The following SKOR1 variants were observed in gnomAD, a reference collection of about 807,000 sequenced individuals.
The protein encoded by SKOR1 is SKI family transcriptional corepressor 1.
Under a neutral mutation model 72.4 loss-of-function variants are expected in SKOR1, and 38 were observed. The observed-to-expected ratio is 0.52, with a 90% CI of 0.40 to 0.69. The LOEUF is 0.69. Among genes scored for constraint, SKOR1 ranks in the 30% least tolerant of loss-of-function variants. The probability of loss-of-function intolerance (pLI) is 0.00; values close to 1 mark genes in which losing one functional copy is unlikely to be tolerated. For synonymous variants in SKOR1, 642 were observed against 599.4 expected, an observed-to-expected ratio of 1.07 and a Z score of -1.04; for missense variants, 1,320 against 1,343.2, an observed-to-expected ratio of 0.98 and a Z score of 0.27.
chr15:67,828,023 C>T lies in SKOR1; in HGVS notation c.2195C>T (p.Ala732Val). The change falls in exon 2 of 9, where the codon GCA (alanine) becomes GTA (valine). Residue 732 changes from alanine (A) to valine (V), a missense_variant. By Grantham distance (64) the Ala-to-Val change is moderately conservative (BLOSUM62 0). Around this residue, in one of 3 missense-constraint regions of SKOR1, gnomAD observed 1,099 missense variants for 1,025.5 expected, o/e 1.07. Transcript: ENST00000380035. Reference sequence around the variant, plus strand: ...GGGCCACCCCCAGCTGGCCGGCCCGCATTTGGGGACTTGGCAGCCGAAGAC... The same window carrying T: ...GGGCCACCCCCAGCTGGCCGGCCCGTATTTGGGGACTTGGCAGCCGAAGAC... ...RLGPPPAGRPAFGDLAAEDLV... is the reference protein window; with the variant it reads ...RLGPPPAGRPVFGDLAAEDLV... The T allele has an allele frequency of 6.5e-6, 10 of 1,539,786 alleles. No homozygotes were observed. Among genetic ancestry groups the T allele is most frequent in the Non-Finnish European group, 7.9e-6 (9 of 1,144,870 alleles).
rs2091023704 is a variant in SKOR1, at chr15:67,833,365, T to C, written c.2803+108T>C. On this transcript the variant is annotated intron_variant, in intron 8 of 8. Coordinates refer to ENST00000380035, the MANE Select transcript of SKOR1 (RefSeq NM_001365915.1). The surrounding 1 kb of genome is among the most constrained non-coding windows in gnomAD (Gnocchi z 6.0). ...TGAGGAAGGCCACGATCCACGTGGA[T>C]CAGGATCTGTGAGGGAGAAAAGTGG... 3 of 1,148,784 alleles carry C rather than the reference T, an allele frequency of 2.6e-6. No individual in the cohort carries two copies. The East Asian group carries it at 7.3e-5, about 28-fold the overall frequency. 71.2% of individuals were successfully genotyped at this position (1,148,784 alleles called of 1,614,324 possible). A position where few individuals can be genotyped will look rare whatever the true frequency, so the allele number is the denominator to read the frequency against.
chr15:67,830,406 G>T (rs1052713783), intron 4 of SKOR1, 108 bp downstream of exon 4: 5 of 919,140 alleles, frequency 5.4e-6, no homozygotes, highest in African/African-American at 5.0e-5. Context: ...AAGTGTAAGC[G>T]GCTGCCAGTC....
rs751107745 is a variant in SKOR1 at position 67,826,831 on chromosome 15, G to A, written c.1003G>A (p.Gly335Arg). The A allele has an allele frequency of 3.0e-5, 46 of 1,522,888 alleles. No homozygotes were observed. The highest frequency in any genetic ancestry group is 3.9e-5 in the Non-Finnish European group (44 of 1,137,898). The allele number at this position is 1,522,888 out of a possible 1,614,324, so 94.3% of individuals were successfully genotyped here. ...SLRCGEDEAA[G>R]PPGPPPPHPQ... ...GCGCTGTGGCGAAGATGAGGCTGCC[G>A]GGCCTCCGGGGCCACCTCCACCCCA... Residue 335 changes from glycine (G) to arginine (R), a missense_variant, in exon 2 of 9, where the codon GGG becomes AGG. Around this residue, in one of 3 missense-constraint regions of SKOR1, gnomAD observed 1,099 missense variants for 1,025.5 expected, o/e 1.07. Coordinates refer to ENST00000380035, the MANE Select transcript of SKOR1 (RefSeq NM_001365915.1).
intron 2 of SKOR1, 21 bp downstream of exon 2, chr15:67,828,165 G>T (rs1290638241): frequency 2.1e-6 from 3 of 1,420,094 alleles, no homozygotes; most frequent in Non-Finnish European, 2.7e-6. Context: ...CGCCCGCCCC[G>T]CCAGTGGCGC....
At position 67,826,828 on chromosome 15, in the gene SKOR1, G is replaced by T; in HGVS notation, c.1000G>T (p.Ala334Ser). The T allele has an allele frequency of 6.6e-7, 1 of 1,525,366 alleles. No homozygotes were observed. The allele number at this position is 1,525,366 out of a possible 1,614,324, so 94.5% of individuals were successfully genotyped here. A position where few individuals can be genotyped will look rare whatever the true frequency, so the allele number is the denominator to read the frequency against. The change falls in exon 2 of 9, where the codon GCC becomes TCC. Residue 334 changes from alanine (A) to serine (S), a missense_variant. Around this residue, in one of 3 missense-constraint regions of SKOR1, gnomAD observed 1,099 missense variants for 1,025.5 expected, o/e 1.07. Coordinates refer to ENST00000380035, the MANE Select transcript of SKOR1 (RefSeq NM_001365915.1). ...CCTGCGCTGTGGCGAAGATGAGGCT[G>T]CCGGGCCTCCGGGGCCACCTCCACC... ...KSLRCGEDEA[A>S]GPPGPPPPHP...
chr15:67,828,012 T>A lies in SKOR1; in HGVS notation c.2184T>A (p.Ala728=), dbSNP rs2090978769. The A allele has an allele frequency of 1.3e-6, 2 of 1,539,546 alleles. No homozygotes were observed. Among genetic ancestry groups the A allele is most frequent in the African/African-American group, 2.8e-5 (2 of 72,320 alleles). The change falls in exon 2 of 9, where the codon GCT becomes GCA. Residue 728 remains alanine (A), a synonymous_variant. Coordinates refer to ENST00000380035, the MANE Select transcript of SKOR1 (RefSeq NM_001365915.1). ...GGCGCCGCCTCGGGCCACCCCCAGC[T>A]GGCCGGCCCGCATTTGGGGACTTGG... ...RPRRRLGPPP[A]GRPAFGDLAA...
rs766386886 is a variant in SKOR1, at chr15:67,832,241, C to T, written c.2588-33C>T. On this transcript the variant is annotated intron_variant, in intron 5 of 8. Transcript: ENST00000380035. The surrounding 1 kb of genome is among the most constrained non-coding windows in gnomAD (Gnocchi z 4.5). Reference sequence around the variant, plus strand: ...AGCTCCAAATAACCCTGCTTTACCTCCCACTTTACCTCCCACTTTTCCCCT... The same window carrying T: ...AGCTCCAAATAACCCTGCTTTACCTTCCACTTTACCTCCCACTTTTCCCCT... 2 of 1,606,342 alleles carry T rather than the reference C, an allele frequency of 1.2e-6. No individual in the cohort carries two copies. Among genetic ancestry groups the T allele is most frequent in the South Asian group, 2.2e-5 (2 of 90,886 alleles).
In SKOR1 at chr15:67,826,924, G is replaced by T; in HGVS notation, c.1096G>T (p.Gly366Cys). ...GGCGGGCCCAGGAGGGCCCGGTGGC[G>T]GCGCCGGCGTACGAAGCTACCCGGT... is the stretch of plus-strand genomic sequence containing the variant. Reference protein sequence around the residue: ...GPAGPGGPGGGAGVRSYPVIP... With the variant: ...GPAGPGGPGGCAGVRSYPVIP... Residue 366 changes from glycine to cysteine, a missense_variant, in exon 2 of 9, where the codon GGC becomes TGC. Physicochemically the swap from Gly to Cys is radical, Grantham distance 159 (BLOSUM62 -3). Around this residue, in one of 3 missense-constraint regions of SKOR1, gnomAD observed 1,099 missense variants for 1,025.5 expected, o/e 1.07. Coordinates refer to ENST00000380035, the MANE Select transcript of SKOR1 (RefSeq NM_001365915.1). 6.4e-7 allele frequency: 1 copy of T among 1,566,934 alleles called. No individual in the cohort carries two copies. The highest frequency in any genetic ancestry group is 8.6e-7 in the Non-Finnish European group (1 of 1,164,194).
intron 5 of SKOR1, among the ~76,000 whole-genome samples, chr15:67,831,903 C>CCGGGGGGGGGG (rs1476265010): frequency 1.4e-4 from 4 of 28,756 alleles, no homozygotes; most frequent in African/African-American, 1.1e-3. Flanking sequence ...GGCGGCGGTG[C>CCGGGGGGGGGG]GGGGGGGGGA....
Position 67,825,529 on chromosome 15 carries a change from C to A in SKOR1, c.-74C>A. On this transcript the variant is annotated 5_prime_UTR_variant, in exon 1 of 9. Coordinates refer to ENST00000380035, the MANE Select transcript of SKOR1 (RefSeq NM_001365915.1). The surrounding 1 kb of genome is among the most constrained non-coding windows in gnomAD (Gnocchi z 5.6). Reference sequence around the variant, plus strand: ...TCCCCGAAGTCCGGGCTTCAGGACCCGGGCCGGCAGCACCGGCTGCGAGGG... The same window carrying A: ...TCCCCGAAGTCCGGGCTTCAGGACCAGGGCCGGCAGCACCGGCTGCGAGGG... The A allele has an allele frequency of 5.6e-6, 4 of 712,992 alleles. No individual in the cohort carries two copies. Among genetic ancestry groups the A allele is most frequent in the South Asian group, 1.5e-5 (1 of 66,782 alleles). The allele number at this position is 712,992 out of a possible 1,614,324, so 44.2% of individuals were successfully genotyped here.
Position 67,832,599 on chromosome 15 carries a change from T to G in SKOR1, c.2663-8T>G, listed in dbSNP as rs1227092793. On this transcript the variant is annotated splice_polypyrimidine_tract_variant and splice_region_variant and intron_variant, in intron 6 of 8. Coordinates refer to ENST00000380035, the MANE Select transcript of SKOR1 (RefSeq NM_001365915.1). This position sits in a 1 kb window ranked among gnomAD's most constrained non-coding sequence, Gnocchi z 4.5. ...GCGTAACAGCTCTCACTTAATCAATTTGCACAGATAATTTTCAGGATCAAA... is the reference window on the plus strand; with the variant it reads ...GCGTAACAGCTCTCACTTAATCAATGTGCACAGATAATTTTCAGGATCAAA... 6.2e-7 allele frequency: 1 copy of G among 1,613,194 alleles called. No homozygotes were observed. Among genetic ancestry groups the G allele is most frequent in the African/African-American group, 1.3e-5 (1 of 74,840 alleles).
rs943611638 is a variant in SKOR1, at chr15:67,826,912, G to A, written c.1084G>A (p.Gly362Arg). ...AGCTAGTGGCCCGGCGGGCCCAGGA[G>A]GGCCCGGTGGCGGCGCCGGCGTACG... ...TGASGPAGPGGPGGGAGVRSY... is the reference protein window; with the variant it reads ...TGASGPAGPGRPGGGAGVRSY... The change falls in exon 2 of 9, where the codon GGG (glycine) becomes AGG (arginine). Residue 362 changes from glycine (G) to arginine (R), a missense_variant. Transcript: ENST00000380035. 27 of 1,558,138 alleles carry A rather than the reference G, an allele frequency of 1.7e-5. No homozygotes were observed. The highest frequency in any genetic ancestry group is 2.3e-5 in the Non-Finnish European group (27 of 1,158,932).
At chr15:67,828,699 G>A (rs1485250503) in intron 2 of SKOR1, among the ~76,000 whole-genome samples, 2 of 152,216 alleles carry the variant, frequency 1.3e-5, no homozygotes, top group Non-Finnish European at 2.9e-5. Flanking sequence ...TCGGGACCGC[G>A]TGCGGAGCGG....
rs2090967518 is a variant in SKOR1, at chr15:67,827,195, G to A, written c.1367G>A (p.Gly456Asp). 1.3e-5 allele frequency: 19 copies of A among 1,426,784 alleles called. No homozygotes were observed. The South Asian group carries it at 2.7e-4, about 20-fold the overall frequency. The allele number at this position is 1,426,784 out of a possible 1,614,324, so 88.4% of individuals were successfully genotyped here. The change falls in exon 2 of 9, where the codon GGC becomes GAC. Residue 456 changes from glycine (G) to aspartate (D), a missense_variant. By Grantham distance (94) the Gly-to-Asp change is moderately conservative. Around this residue, in one of 3 missense-constraint regions of SKOR1, gnomAD observed 1,099 missense variants for 1,025.5 expected, o/e 1.07. Coordinates refer to ENST00000380035, the MANE Select transcript of SKOR1 (RefSeq NM_001365915.1). ...LPPGAGAGPGGGAMFWGHQPS... is the reference protein window; with the variant it reads ...LPPGAGAGPGDGAMFWGHQPS... ...CCGGGGGCAGGGGCGGGCCCGGGCG[G>A]CGGCGCCATGTTCTGGGGGCATCAA...
chr15:67,830,317 C>A lies in SKOR1; in HGVS notation c.2515+19C>A, dbSNP rs1484934387. The stretch of plus-strand genomic sequence containing the variant: ...GACAGAGGTGAGCCAGCCCTTGAAC[C>A]CATCGCTCTCCACCGCACCCAGGAG... On this transcript the variant is annotated intron_variant, in intron 4 of 8. Coordinates refer to ENST00000380035, the MANE Select transcript of SKOR1 (RefSeq NM_001365915.1). The A allele has an allele frequency of 7.5e-6, 12 of 1,609,412 alleles. No homozygotes were observed. The Admixed American group carries it at 1.3e-4, about 18-fold the overall frequency.
chr15:67,829,490 A>G (rs566517059), intron 3 of SKOR1, among the ~76,000 whole-genome samples: 1 of 152,370 alleles, frequency 6.6e-6, no homozygotes, highest in East Asian at 1.9e-4. Context: ...CACCACACGC[A>G]CACACATGCT....
Position 67,826,169 on chromosome 15 carries a change from A to G in SKOR1, c.341A>G (p.Asn114Ser). The G allele has an allele frequency of 6.2e-7, 1 of 1,613,232 alleles. No homozygotes were observed. The highest frequency in any genetic ancestry group is 8.5e-7 in the Non-Finnish European group (1 of 1,179,644). Residue 114 changes from asparagine (N) to serine (S), a missense_variant, in exon 2 of 9, where the codon AAT becomes AGT. Physicochemically the swap from Asn to Ser is conservative, Grantham distance 46. This residue lies in a region of SKOR1 where 101 missense variants were observed against 212.8 expected (regional missense o/e 0.47). Transcript: ENST00000380035. The part of the protein sequence containing the change: ...SNTLLKNYSY[N>S]EIHNRRVALG... ...ACCCTCCTCAAGAACTACAGCTATA[A>G]TGAGATCCACAACCGCCGCGTGGCC...
At position 67,826,012 on chromosome 15, in the gene SKOR1, G is replaced by A. The variant is rs754006147; in HGVS notation, c.184G>A (p.Glu62Lys). The change falls in exon 2 of 9, where the codon GAG (glutamate) becomes AAG (lysine). Residue 62 changes from glutamate (E) to lysine (K), a missense_variant. Physicochemically the swap from Glu to Lys is moderately conservative, Grantham distance 56. Coordinates refer to ENST00000380035, the MANE Select transcript of SKOR1 (RefSeq NM_001365915.1). The stretch of plus-strand genomic sequence containing the variant: ...CAGTTCCTCGCCCAACTCCAAGCAG[G>A]AGCTGCAGCCGTACTCGGGCTCCAG... ...EGSSSPNSKQ[E>K]LQPYSGSSAL... 4 of 1,548,912 alleles carry A rather than the reference G, an allele frequency of 2.6e-6. No individual in the cohort carries two copies. In the African/African-American group the frequency reaches 5.5e-5, roughly 21 times the overall value.
Position 67,827,815 on chromosome 15 carries a change from G to A in SKOR1, c.1987G>A (p.Val663Met). 6.3e-7 allele frequency: 1 copy of A among 1,585,914 alleles called. No individual in the cohort carries two copies. Among genetic ancestry groups the A allele is most frequent in the East Asian group, 2.3e-5 (1 of 43,848 alleles). The change falls in exon 2 of 9, where the codon GTG (valine) becomes ATG (methionine). Residue 663 changes from valine (V) to methionine (M), a missense_variant. Physicochemically the swap from Val to Met is conservative, Grantham distance 21. Transcript: ENST00000380035. ...CACCGCGGACGAGCCCGAGGTGGAC[G>A]TGGAATCCAACCGCTTCCCCGACGA... ...VDTADEPEVD[V>M]ESNRFPDDED...
Sources: allele counts gnomAD v4.1 joint callset (sites outside exome capture counted in the v4.1 genomes callset), GRCh38; gene constraint gnomAD v4.1.1; regional missense constraint gnomAD v4.1.1; non-coding constraint Gnocchi (gnomAD v3.1); transcripts MANE v1.5; gene names NCBI Gene and HGNC (gene_info 2026-07-23, HGNC 2026-07-21).